The following CSNK1G1 variants were observed in gnomAD, a reference collection of about 807,000 sequenced individuals.
CSNK1G1 encodes the protein casein kinase 1 gamma 1, also known as casein kinase I isoform gamma-1.
Under a neutral mutation model 59.6 loss-of-function variants are expected in CSNK1G1, and 22 were observed. The ratio of observed to expected loss-of-function variants is 0.37; its 90% confidence interval spans 0.26 to 0.53. CSNK1G1 has a LOEUF of 0.53. CSNK1G1 is among the 20% of genes least tolerant of loss of function. The probability of loss-of-function intolerance (pLI) is 0.89; values close to 1 mark genes in which losing one functional copy is unlikely to be tolerated. For missense variants in CSNK1G1, 384 were observed against 519.5 expected (o/e 0.74, Z 2.54); for synonymous variants, 179 against 177.1 (o/e 1.01, Z -0.08).
At position 64,187,205 on chromosome 15, in the gene CSNK1G1, G is replaced by T. The variant is rs144627180; in HGVS notation, c.1108-6751C>A. Among the ~76,000 whole-genome samples, 133 of 148,418 alleles carry T rather than the reference G, an allele frequency of 9.0e-4. No individual in the cohort carries two copies. In the Middle Eastern group the frequency reaches 0.012, roughly 13 times the overall value. Reference sequence around the variant, plus strand: ...GTCCAATCCATCATGGTTTTTTTTGGGGGGGATGGAGCCTCATTCTGTCAC... The same window carrying T: ...GTCCAATCCATCATGGTTTTTTTTGTGGGGGATGGAGCCTCATTCTGTCAC... On this transcript the variant is annotated intron_variant, in intron 10 of 11. Transcript: ENST00000303052.
chr15:64,219,270 C>T (rs1385704237), intron 4 of CSNK1G1, among the ~76,000 whole-genome samples: 1 of 152,158 alleles, frequency 6.6e-6, no homozygotes, highest in Admixed American at 6.5e-5. Flanking sequence ...CAAAGCAGAA[C>T]ACTCTGTCCT....
intron 10 of CSNK1G1, among the ~76,000 whole-genome samples, chr15:64,186,408 G>C (rs2081896464): frequency 1.3e-5 from 2 of 152,226 alleles, no homozygotes; most frequent in Non-Finnish European, 2.9e-5. Context: ...ATTGCACACA[G>C]CTGCTACTCT....
intron 4 of CSNK1G1, among the ~76,000 whole-genome samples, chr15:64,218,228 G>A (rs1324721496): frequency 3.3e-5 from 5 of 152,126 alleles, no homozygotes; most frequent in Non-Finnish European, 7.3e-5. Context: ...TGGGAATACA[G>A]GCATGAGCTA....
chr15:64,228,466 G>A (rs1365749165), intron 4 of CSNK1G1, among the ~76,000 whole-genome samples: 1 of 151,958 alleles, frequency 6.6e-6, no homozygotes, highest in Non-Finnish European at 1.5e-5. Context: ...GTGAAACCCC[G>A]TCTCACTAAA....
chr15:64,206,783 A>C (rs1245765885), intron 7 of CSNK1G1, among the ~76,000 whole-genome samples: 1 of 152,118 alleles, frequency 6.6e-6, no homozygotes, highest in Non-Finnish European at 1.5e-5. Context: ...AACTCTACAC[A>C]TTTTGCAATG....
At position 64,235,533 on chromosome 15, in the gene CSNK1G1, T is replaced by C. The variant is rs1024054546; in HGVS notation, c.292+15979A>G. On this transcript the variant is annotated intron_variant, in intron 4 of 11. Coordinates refer to ENST00000303052, the MANE Select transcript of CSNK1G1 (RefSeq NM_022048.5). ...GACACTGAAAACGAAAAAAACCTCA[T>C]TGGGCTTTATAAATCAACAAAATAT... 7.2e-5 allele frequency among the ~76,000 whole-genome samples: 11 copies of C among 152,312 alleles called. No individual in the cohort carries two copies. In the South Asian group the frequency reaches 1.0e-3, roughly 14 times the overall value.
At position 64,343,235 on chromosome 15, in the gene CSNK1G1, A is replaced by ACACACACACACACACACACACACACACC. The variant is rs1375118135; in HGVS notation, c.-225+12752_-225+12753insGGTGTGTGTGTGTGTGTGTGTGTGTGTG. On this transcript the variant is annotated intron_variant, in intron 1 of 11. Transcript: ENST00000303052. ...CACACACACACACACACACACACAC[A>ACACACACACACACACACACACACACACC]CCTCTTCTAAAATAGACCCCATTCT... Among the ~76,000 whole-genome samples, 17 of 150,470 alleles carry ACACACACACACACACACACACACACACC rather than the reference A, an allele frequency of 1.1e-4. No homozygotes were observed. In the East Asian group the frequency reaches 1.2e-3, roughly 10 times the overall value.
chr15:64,203,265 T>G, intron 9 of CSNK1G1, 76 bp from the exon 10 acceptor site: 6 of 890,834 alleles, frequency 6.7e-6, no homozygotes, highest in Non-Finnish European at 1.1e-5. Flanking sequence ...AGAATGATTC[T>G]AATTCTAATA....
intron 2 of CSNK1G1, among the ~76,000 whole-genome samples, chr15:64,277,914 TA>T (rs1485050603): frequency 2.8e-5 from 4 of 143,514 alleles, no homozygotes; most frequent in Admixed American, 2.2e-4. Context: ...ATATATTTAA[TA>T]ATAATATTGA....
At chr15:64,195,843 C>T (rs553625753) in intron 10 of CSNK1G1, among the ~76,000 whole-genome samples, 1 of 152,326 alleles carries the variant, frequency 6.6e-6, no homozygotes, top group East Asian at 1.9e-4. Context: ...CAACTGGGAT[C>T]TTTCTGAATG....
intron 10 of CSNK1G1, among the ~76,000 whole-genome samples, chr15:64,194,761 C>T (rs188090040): frequency 1.8e-4 from 28 of 152,166 alleles, no homozygotes; most frequent in African/African-American, 6.0e-4. Context: ...GGTGATCCAC[C>T]GCCTTAGCTT....
At chr15:64,345,017 G>C (rs1035095642) in intron 1 of CSNK1G1, among the ~76,000 whole-genome samples, 2 of 152,136 alleles carry the variant, frequency 1.3e-5, no homozygotes, top group African/African-American at 4.8e-5. Context: ...ATTTAACTAG[G>C]TGAAAAAACA....
chr15:64,287,294 T>C (rs1894480115), intron 2 of CSNK1G1, among the ~76,000 whole-genome samples: 2 of 152,208 alleles, frequency 1.3e-5, no homozygotes, highest in Admixed American at 1.3e-4. Context: ...AAAACTTAAC[T>C]ACTTTTGTTG....
chr15:64,223,168 G>C (rs749371614), intron 4 of CSNK1G1, among the ~76,000 whole-genome samples: 1 of 152,074 alleles, frequency 6.6e-6, no homozygotes, highest in Non-Finnish European at 1.5e-5. Flanking sequence ...AGCACACTAA[G>C]AAAGTCTGTC....
At chr15:64,312,703 T>A (rs1251108194) in intron 1 of CSNK1G1, among the ~76,000 whole-genome samples, 1 of 152,104 alleles carries the variant, frequency 6.6e-6, no homozygotes, top group East Asian at 1.9e-4. Context: ...GGGCAAAGAC[T>A]TCATGTCTAA....
rs1382175637 is a variant in CSNK1G1, at chr15:64,171,175, CTA to C, written c.*754_*755del. Reference sequence around the variant, plus strand: ...TTTGTTTTTGTTTTTTTTAAAAAAACTAAAAGTGCAACAAAGTCAGTTTTCTT... The same window carrying C: ...TTTGTTTTTGTTTTTTTTAAAAAAACAAAGTGCAACAAAGTCAGTTTTCTT... On this transcript the variant is annotated 3_prime_UTR_variant, in exon 12 of 12. Transcript: ENST00000303052. The surrounding 1 kb of genome is among the most constrained non-coding windows in gnomAD (Gnocchi z 4.8). 3 of 152,080 alleles carry C rather than the reference CTA, an allele frequency of 2.0e-5. No homozygotes were observed. Among genetic ancestry groups the C allele is most frequent in the African/African-American group, 7.3e-5 (3 of 41,204 alleles). 9.4% of individuals were successfully genotyped at this position (152,080 alleles called of 1,614,324 possible).
chr15:64,175,105 A>G (rs1202251169), intron 11 of CSNK1G1, among the ~76,000 whole-genome samples: 1 of 150,976 alleles, frequency 6.6e-6, no homozygotes, highest in African/African-American at 2.4e-5. Flanking sequence ...CCTCACAGGA[A>G]AAAATAGACC....
intron 2 of CSNK1G1, among the ~76,000 whole-genome samples, chr15:64,290,988 A>G (rs1894711434): frequency 6.6e-6 from 1 of 152,198 alleles, no homozygotes; most frequent in Non-Finnish European, 1.5e-5. Flanking sequence ...TGCTGAGATT[A>G]CAGGCGTGAG....
At chr15:64,218,322 G>C (rs1025876090) in intron 4 of CSNK1G1, among the ~76,000 whole-genome samples, 12 of 151,938 alleles carry the variant, frequency 7.9e-5, no homozygotes, top group African/African-American at 2.9e-4. Context: ...CTCGAGGGTA[G>C]GTCTCACATA....
Sources: gnomAD v4.1 joint callset for allele counts (sites outside exome capture counted in the v4.1 genomes callset) on GRCh38, gnomAD v4.1.1 for gene constraint, Gnocchi (gnomAD v3.1) non-coding constraint, MANE v1.5 for transcripts, NCBI Gene and HGNC (gene_info 2026-07-23, HGNC 2026-07-21) for gene names.